ANO4: variants seen among roughly 807,000 people sequenced by gnomAD.
The protein encoded by ANO4 is anoctamin 4, also known as anoctamin-4.
In ANO4, 69 loss-of-function variants were observed where a neutral mutation model predicts 141.9. The observed-to-expected ratio is 0.49, with a 90% confidence interval of 0.40 to 0.59. The LOEUF is 0.59. Ranked by LOEUF, ANO4 falls within the 20% of genes least tolerant of loss-of-function variation. ANO4 has a pLI of 0.00. For synonymous variants in ANO4, 350 were observed against 394.3 expected, an observed-to-expected ratio of 0.89 and a Z score of 1.33; for missense variants, 894 against 1,162.2, an observed-to-expected ratio of 0.77 and a Z score of 3.36.
At chr12:100,812,750 A>T (rs1240913120) in intron 1 of ANO4, among the ~76,000 whole-genome samples, 1 of 152,182 alleles carries the variant, frequency 6.6e-6, no homozygotes, top group African/African-American at 2.4e-5. Flanking sequence ...ATCAGATAAG[A>T]ATTTCTCCCA....
intron 1 of ANO4, among the ~76,000 whole-genome samples, chr12:100,871,897 T>C (rs2039054280): frequency 6.6e-6 from 1 of 152,170 alleles, no homozygotes; most frequent in Admixed American, 6.5e-5. Flanking sequence ...GATTAAACTT[T>C]CAACATATGA....
intron 1 of ANO4, among the ~76,000 whole-genome samples, chr12:100,829,237 G>A (rs2036516689): frequency 6.6e-6 from 1 of 152,000 alleles, no homozygotes; most frequent in South Asian, 2.1e-4. Flanking sequence ...AAACTCTGCT[G>A]CTTATTAGGT....
intron 8 of ANO4, among the ~76,000 whole-genome samples, chr12:100,989,783 ATGGATGG>A (rs2044985436): frequency 6.6e-6 from 1 of 150,582 alleles, no homozygotes; most frequent in Admixed American, 6.6e-5. Flanking sequence ...GGATGGATGG[ATGGATGG>A]ATGGATGGAT....
chr12:101,101,192 A>G (rs2050171854), intron 22 of ANO4, among the ~76,000 whole-genome samples: 1 of 152,188 alleles, frequency 6.6e-6, no homozygotes, highest in Non-Finnish European at 1.5e-5. Context: ...CCCCTCTTCC[A>G]TTTATAACAC....
intron 1 of ANO4, among the ~76,000 whole-genome samples, chr12:100,881,654 C>T (rs1318192568): frequency 2.0e-5 from 3 of 152,204 alleles, no homozygotes; most frequent in East Asian, 3.8e-4. Context: ...TTCTCAACCT[C>T]AGTTTCCTCA....
At chr12:101,063,546 T>C (rs2048436077) in intron 14 of ANO4, among the ~76,000 whole-genome samples, 1 of 152,042 alleles carries the variant, frequency 6.6e-6, no homozygotes, top group Non-Finnish European at 1.5e-5. Flanking sequence ...TCTAGTGTCT[T>C]TTTGTTATTG....
chr12:100,851,760 A>G (rs1353141425), intron 1 of ANO4, among the ~76,000 whole-genome samples: 1 of 152,162 alleles, frequency 6.6e-6, no homozygotes, highest in Non-Finnish European at 1.5e-5. Flanking sequence ...CTGTGAAGGA[A>G]GGCCTCGCTT....
chr12:101,047,967 G>T (rs1258513243), intron 13 of ANO4: 2 of 993,056 alleles, frequency 2.0e-6, no homozygotes, highest in Non-Finnish European at 2.4e-6. Context: ...TTGGGAAGTT[G>T]AAAACCTTTA....
intron 1 of ANO4, among the ~76,000 whole-genome samples, chr12:100,721,703 A>G (rs1444410902): frequency 6.6e-6 from 1 of 152,016 alleles, no homozygotes; most frequent in African/African-American, 2.4e-5. Flanking sequence ...GTTTGAGACA[A>G]TGTCTCACTC....
At chr12:100,806,066 T>G (rs1162066684) in intron 1 of ANO4, among the ~76,000 whole-genome samples, 1 of 152,174 alleles carries the variant, frequency 6.6e-6, no homozygotes, top group Non-Finnish European at 1.5e-5. Context: ...TGGTGTGTAG[T>G]GTAGACAGGC....
intron 3 of ANO4, among the ~76,000 whole-genome samples, chr12:100,770,704 TTGA>T (rs2033262443): frequency 6.6e-6 from 1 of 152,146 alleles, no homozygotes; most frequent in Non-Finnish European, 1.5e-5. Flanking sequence ...TCTGGTAGAA[TTGA>T]TGATGCAGAT....
At chr12:101,054,702 G>A (rs1021203411) in intron 14 of ANO4, among the ~76,000 whole-genome samples, 3 of 152,134 alleles carry the variant, frequency 2.0e-5, no homozygotes, top group Non-Finnish European at 4.4e-5. Context: ...GGGTTTCACT[G>A]TGTTAGCCAG....
At chr12:100,822,355 G>T (rs913668324) in intron 1 of ANO4, among the ~76,000 whole-genome samples, 1 of 151,954 alleles carries the variant, frequency 6.6e-6, no homozygotes, top group South Asian at 2.1e-4. Context: ...GTCCCAACTC[G>T]AGTCTAACTA....
chr12:100,746,572 C>G (rs1161852243), intron 3 of ANO4, among the ~76,000 whole-genome samples: 2 of 152,130 alleles, frequency 1.3e-5, no homozygotes, highest in Non-Finnish European at 2.9e-5. Flanking sequence ...TGTTGTTTCA[C>G]AGGGGACATT....
chr12:100,875,544 C>T (rs2039257123), intron 1 of ANO4, among the ~76,000 whole-genome samples: 2 of 152,184 alleles, frequency 1.3e-5, no homozygotes, highest in South Asian at 4.1e-4. Context: ...TCTATAACTG[C>T]CCCTAAACTG....
chr12:101,036,470 G>A (rs544402951), intron 9 of ANO4, among the ~76,000 whole-genome samples: 1 of 152,094 alleles, frequency 6.6e-6, no homozygotes, highest in Non-Finnish European at 1.5e-5. Flanking sequence ...TGGAAGAATG[G>A]ATAAAGGAAT....
At chr12:100,935,216 T>C (rs959894538) in intron 3 of ANO4, among the ~76,000 whole-genome samples, 6 of 152,214 alleles carry the variant, frequency 3.9e-5, no homozygotes, top group South Asian at 2.1e-4. Flanking sequence ...CAGTATGATA[T>C]TGGCTGTGGG....
intron 1 of ANO4, among the ~76,000 whole-genome samples, chr12:100,889,993 T>G (rs1170271150): frequency 1.3e-5 from 2 of 152,292 alleles, no homozygotes; most frequent in East Asian, 1.9e-4. Flanking sequence ...CATAATATAT[T>G]TAACTATTGC....
intron 26 of ANO4, among the ~76,000 whole-genome samples, chr12:101,126,177 C>T (rs1040080): frequency 0.051 from 7,825 of 152,156 alleles, 640 homozygotes; most frequent in African/African-American, 0.17. Flanking sequence ...TTAAATAAAA[C>T]GAAGAATACT....
Sources: gnomAD v4.1 joint callset for allele counts (sites outside exome capture counted in the v4.1 genomes callset) on GRCh38, gnomAD v4.1.1 for gene constraint, MANE v1.5 for transcripts, NCBI Gene and HGNC (gene_info 2026-07-23, HGNC 2026-07-21) for gene names.